FER: variants seen among roughly 807,000 people sequenced by gnomAD.
FER encodes FER tyrosine kinase, also known as tyrosine-protein kinase Fer.
In FER, 63 loss-of-function variants were observed where a neutral mutation model predicts 111.0. The observed-to-expected ratio is 0.57, with a 90% CI of 0.46 to 0.70. The LOEUF is 0.70. Among genes scored for constraint, FER ranks in the 30% least tolerant of loss-of-function variants. The probability of loss-of-function intolerance (pLI) is 0.00; values close to 1 mark genes in which losing one functional copy is unlikely to be tolerated. For missense variants in FER, 914 were observed against 954.0 expected, an observed-to-expected ratio of 0.96 and a Z score of 0.55; for synonymous variants, 327 against 313.9, an observed-to-expected ratio of 1.04 and a Z score of -0.44.
At chr5:108,769,960 T>A (rs911682653) in intron 2 of FER, among the ~76,000 whole-genome samples, 2 of 152,164 alleles carry the variant, frequency 1.3e-5, no homozygotes, top group African/African-American at 4.8e-5. Context: ...ATGATGATTT[T>A]TTTTTGAGAC....
chr5:108,853,967 G>C (rs939015661), intron 5 of FER, among the ~76,000 whole-genome samples: 1 of 152,198 alleles, frequency 6.6e-6, no homozygotes, highest in Admixed American at 6.5e-5. Context: ...TAGGCAAGGG[G>C]TCATGCTGGT....
At chr5:109,142,909 C>G (rs1212145162) in intron 17 of FER, among the ~76,000 whole-genome samples, 1 of 151,970 alleles carries the variant, frequency 6.6e-6, no homozygotes, top group African/African-American at 2.4e-5. Context: ...CTGAGGAAGC[C>G]TAAAAATTTT....
intron 5 of FER, among the ~76,000 whole-genome samples, chr5:108,846,673 C>T (rs1762058937): frequency 6.6e-6 from 1 of 152,098 alleles, no homozygotes; most frequent in African/African-American, 2.4e-5. Context: ...AGCTCTGCCT[C>T]CCGGGTTCAC....
intron 16 of FER, among the ~76,000 whole-genome samples, chr5:109,077,029 T>TA: frequency 6.6e-6 from 1 of 152,356 alleles, no homozygotes; most frequent in African/African-American, 2.4e-5. Flanking sequence ...TCACATCTCT[T>TA]ACACTTGTCT....
chr5:108,856,347 A>G (rs373293325), intron 5 of FER, among the ~76,000 whole-genome samples: 2 of 152,072 alleles, frequency 1.3e-5, no homozygotes, highest in African/African-American at 4.8e-5. Flanking sequence ...TTTCCCACTC[A>G]TTATTCATTT....
chr5:109,162,801 C>T (rs1356998461), intron 17 of FER, among the ~76,000 whole-genome samples: 10 of 152,078 alleles, frequency 6.6e-5, no homozygotes, highest in Admixed American at 6.6e-4. Flanking sequence ...CAGATTCACA[C>T]AAGACTTGCA....
At chr5:108,825,035 T>G (rs190867210) in intron 3 of FER, among the ~76,000 whole-genome samples, 174 of 152,148 alleles carry the variant, frequency 1.1e-3, no homozygotes, top group African/African-American at 4.0e-3. Context: ...AGACAAAAAG[T>G]ACTTAACAGG....
intron 9 of FER, among the ~76,000 whole-genome samples, chr5:108,897,414 A>G (rs1470296569): frequency 6.6e-6 from 1 of 152,228 alleles, no homozygotes; most frequent in African/African-American, 2.4e-5. Context: ...AATGAATGCC[A>G]TAGATCATAA....
At chr5:109,155,454 G>T (rs1755263785) in intron 17 of FER, among the ~76,000 whole-genome samples, 1 of 151,922 alleles carries the variant, frequency 6.6e-6, no homozygotes, top group African/African-American at 2.4e-5. Context: ...AAGAGAAATT[G>T]CATAGAGGTA....
At chr5:108,933,430 T>A (rs1754986972) in intron 10 of FER, among the ~76,000 whole-genome samples, 1 of 151,800 alleles carries the variant, frequency 6.6e-6, no homozygotes, top group South Asian at 2.1e-4. Flanking sequence ...TTCTGAGGCC[T>A]CTGTTCTGTT....
chr5:108,971,802 T>G (rs1335533678), intron 13 of FER, among the ~76,000 whole-genome samples: 1 of 152,152 alleles, frequency 6.6e-6, no homozygotes, highest in Non-Finnish European at 1.5e-5. Context: ...TTAAAAAGTT[T>G]AAACAACTCA....
At chr5:109,146,152 C>T (rs1031732731) in intron 17 of FER, among the ~76,000 whole-genome samples, 2 of 118,324 alleles carry the variant, frequency 1.7e-5, no homozygotes, top group Non-Finnish European at 3.8e-5. Context: ...GAGAGGGGGA[C>T]TGATAGAATT....
intron 3 of FER, among the ~76,000 whole-genome samples, chr5:108,805,768 A>C (rs969927055): frequency 1.3e-5 from 2 of 152,186 alleles, no homozygotes; most frequent in Non-Finnish European, 2.9e-5. Flanking sequence ...GTGCCAGAAG[A>C]AATTTCTAAG....
At chr5:108,940,589 A>T (rs144108996) in intron 10 of FER, among the ~76,000 whole-genome samples, 1 of 152,168 alleles carries the variant, frequency 6.6e-6, no homozygotes, top group African/African-American at 2.4e-5. Flanking sequence ...GTATGAGCAG[A>T]TCAATCCTCA....
chr5:108,880,064 T>A (rs555381484), intron 8 of FER, among the ~76,000 whole-genome samples: 272 of 152,232 alleles, frequency 1.8e-3, no homozygotes, highest in African/African-American at 6.2e-3. Flanking sequence ...CTTTGATGTC[T>A]GTCTAGTAGA....
intron 16 of FER, among the ~76,000 whole-genome samples, chr5:109,058,673 A>G (rs1773951065): frequency 6.6e-6 from 1 of 151,114 alleles, no homozygotes; most frequent in Non-Finnish European, 1.5e-5. Flanking sequence ...TAACAATTTG[A>G]AAAATGATAT....
chr5:108,976,418 A>G (rs1252880521), intron 13 of FER, among the ~76,000 whole-genome samples: 1 of 152,108 alleles, frequency 6.6e-6, no homozygotes, highest in Non-Finnish European at 1.5e-5. Context: ...AGGTTTTCTA[A>G]GGTGGGATCC....
intron 10 of FER, among the ~76,000 whole-genome samples, chr5:108,908,799 GA>G (rs1751150824): frequency 6.6e-6 from 1 of 152,050 alleles, no homozygotes. Context: ...TGTACTTTCA[GA>G]GGCCAAGGTG....
At chr5:108,914,138 C>G (rs187549183) in intron 10 of FER, among the ~76,000 whole-genome samples, 34 of 152,008 alleles carry the variant, frequency 2.2e-4, no homozygotes, top group Admixed American at 1.7e-3. Context: ...GTAAACTTTG[C>G]TATATTCATC....
Sources: allele counts gnomAD v4.1 joint callset (sites outside exome capture counted in the v4.1 genomes callset), GRCh38; gene constraint gnomAD v4.1.1; transcripts MANE v1.5; gene names NCBI Gene and HGNC (gene_info 2026-07-23, HGNC 2026-07-21).